The following CSMD2 variants were observed in gnomAD, a reference collection of about 807,000 sequenced individuals.
CSMD2 encodes the protein CUB and Sushi multiple domains 2.
A neutral mutation model predicts 398.5 loss-of-function variants in CSMD2; 130 were observed. That is an observed-to-expected ratio of 0.33 (90% CI 0.28 to 0.38). CSMD2 has a LOEUF of 0.38. Among genes scored for constraint, CSMD2 ranks in the 10% least tolerant of loss-of-function variants. The probability of loss-of-function intolerance (pLI) is 1.00; values close to 1 mark genes in which losing one functional copy is unlikely to be tolerated. For synonymous variants in CSMD2, 1,828 were observed against 1,908.5 expected, an observed-to-expected ratio of 0.96 and a Z score of 1.10; for missense variants, 3,829 against 4,764.9, an observed-to-expected ratio of 0.80 and a Z score of 5.78.
In CSMD2 at chr1:33,785,678, C is replaced by T. The variant is rs1361208063; in HGVS notation, c.1663+2922G>A. ...AGGCAGGGTGGTCAGAACCCTCCAT[C>T]CTGGGCATGCCCTATCCTACCATGG... On this transcript the variant is annotated intron_variant, in intron 12 of 70. Transcript: ENST00000373381. Among the ~76,000 whole-genome samples the T allele has an allele frequency of 4.6e-5, 7 of 152,200 alleles. No homozygotes were observed. In the East Asian group the frequency reaches 1.3e-3, roughly 29 times the overall value.
chr1:33,908,085 C>CAAAAAAAAAAAAAAAAAAAAA (rs35932181), intron 5 of CSMD2, among the ~76,000 whole-genome samples: 2 of 77,162 alleles, frequency 2.6e-5, no homozygotes, highest in Non-Finnish European at 4.7e-5. Context: ...GACTCCATCT[C>CAAAAAAAAAAAAAAAAAAAAA]AAAAAAAAAA....
chr1:34,095,668 G>A (rs1409369259), intron 1 of CSMD2, among the ~76,000 whole-genome samples: 1 of 151,686 alleles, frequency 6.6e-6, no homozygotes, highest in Non-Finnish European at 1.5e-5. Flanking sequence ...AGAAGAAATG[G>A]ATAAATTCCT....
At chr1:34,105,359 C>G (rs981210971) in intron 1 of CSMD2, among the ~76,000 whole-genome samples, 1 of 152,170 alleles carries the variant, frequency 6.6e-6, no homozygotes, top group Non-Finnish European at 1.5e-5. Flanking sequence ...CAGATATTGC[C>G]AAATGTCCCC....
At chr1:33,871,493 A>G (rs1640457588) in intron 5 of CSMD2, among the ~76,000 whole-genome samples, 1 of 152,240 alleles carries the variant, frequency 6.6e-6, no homozygotes, top group Non-Finnish European at 1.5e-5. Context: ...TTTATTTGAC[A>G]GTTACCAGTT....
At position 33,665,460 on chromosome 1, in the gene CSMD2, CTT is replaced by C. The variant is rs745495781; in HGVS notation, c.4053-2370_4053-2369del. ...GACTTGTATAGTTTCTTTCTTCTCT[CTT>C]TTTTTTTTTTTTTTTTTTTTTTTTG... is the stretch of plus-strand genomic sequence containing the variant. On this transcript the variant is annotated intron_variant, in intron 25 of 70. Transcript: ENST00000373381. Among the ~76,000 whole-genome samples the C allele has an allele frequency of 5.8e-3, 432 of 73,874 alleles. 1 individual carries two copies. Among genetic ancestry groups the C allele is most frequent in the African/African-American group, 0.022 (391 of 18,062 alleles). The allele number at this position is 73,874 out of a possible 152,430, so 48.5% of individuals were successfully genotyped here.
At chr1:34,098,016 A>G (rs1659540597) in intron 1 of CSMD2, among the ~76,000 whole-genome samples, 1 of 99,692 alleles carries the variant, frequency 1.0e-5, no homozygotes, top group Non-Finnish European at 1.9e-5. Flanking sequence ...ACCAACCCAA[A>G]TGTCCAACAA....
chr1:33,813,220 G>T (rs547556990), intron 9 of CSMD2: 3 of 152,332 alleles, frequency 2.0e-5, no homozygotes. Context: ...CAAAAAGGCA[G>T]TTACCACTTT....
intron 2 of CSMD2, among the ~76,000 whole-genome samples, chr1:34,051,389 T>C (rs1416078350): frequency 2.0e-5 from 3 of 152,204 alleles, no homozygotes; most frequent in African/African-American, 7.2e-5. Flanking sequence ...AGACTGTCAT[T>C]GTTATGAGTA....
rs539488741 is a variant in CSMD2 at position 33,752,894 on chromosome 1, C to G, written c.1847-9288G>C. On this transcript the variant is annotated intron_variant, in intron 13 of 70. Coordinates refer to ENST00000373381, the MANE Select transcript of CSMD2 (RefSeq NM_001281956.2). ...AACTTGGCTGCATTAAGTCCATATC[C>G]TAGGGCTTTTTGCAAGTTTGAACTT... 7.2e-5 allele frequency among the ~76,000 whole-genome samples: 11 copies of G among 152,294 alleles called. No homozygotes were observed. The East Asian group carries it at 1.5e-3, about 21-fold the overall frequency.
chr1:33,891,940 C>A (rs1310312883), intron 5 of CSMD2, among the ~76,000 whole-genome samples: 2 of 147,726 alleles, frequency 1.4e-5, no homozygotes, highest in East Asian at 4.2e-4. Flanking sequence ...AGGAGATATA[C>A]CTAATGCTAA....
intron 32 of CSMD2, among the ~76,000 whole-genome samples, chr1:33,627,237 C>A (rs552795626): frequency 7.5e-4 from 114 of 152,266 alleles, no homozygotes; most frequent in African/African-American, 2.6e-3. Flanking sequence ...CTGGGGGGAA[C>A]CTGCATGGGC....
chr1:33,767,611 C>T (rs945839113), intron 13 of CSMD2, among the ~76,000 whole-genome samples: 1 of 152,088 alleles, frequency 6.6e-6, no homozygotes, highest in African/African-American at 2.4e-5. Context: ...CTCAATAAAT[C>T]AAGATGGATA....
intron 3 of CSMD2, among the ~76,000 whole-genome samples, chr1:33,959,152 G>A (rs559315038): frequency 1.2e-4 from 19 of 152,276 alleles, no homozygotes; most frequent in Admixed American, 2.6e-4. Context: ...GAGGAAAGGC[G>A]CCTGCTCTGA....
At chr1:33,570,149 T>C (rs1463415210) in intron 51 of CSMD2, among the ~76,000 whole-genome samples, 1 of 149,622 alleles carries the variant, frequency 6.7e-6, no homozygotes, top group African/African-American at 2.5e-5. Flanking sequence ...AACAGTGTCA[T>C]GAATCACGGA....
In CSMD2 at chr1:33,633,331, G is replaced by A. The variant is rs1348172446; in HGVS notation, c.5200+91C>T. 1 of 914,088 alleles carries A rather than the reference G, an allele frequency of 1.1e-6. No individual in the cohort carries two copies. The highest frequency in any genetic ancestry group is 1.7e-6 in the Non-Finnish European group (1 of 574,224). 56.6% of individuals were successfully genotyped at this position (914,088 alleles called of 1,614,324 possible). Reference sequence around the variant, plus strand: ...CGCAGAGCCGTAGGGTTCCACCTGCGGCCATGGGGTGCTTCTAGAGCCTCC... The same window carrying A: ...CGCAGAGCCGTAGGGTTCCACCTGCAGCCATGGGGTGCTTCTAGAGCCTCC... On this transcript the variant is annotated intron_variant, in intron 32 of 70. Transcript: ENST00000373381. The surrounding 1 kb of genome is among the most constrained non-coding windows in gnomAD (Gnocchi z 5.0).
intron 6 of CSMD2, among the ~76,000 whole-genome samples, chr1:33,842,540 C>T (rs1196391435): frequency 1.3e-5 from 2 of 152,022 alleles, no homozygotes; most frequent in Non-Finnish European, 2.9e-5. Flanking sequence ...GCAGACTTGC[C>T]TCTAGGTTGG....
intron 5 of CSMD2, among the ~76,000 whole-genome samples, chr1:33,893,879 C>A (rs11805558): frequency 6.6e-6 from 1 of 152,170 alleles, no homozygotes; most frequent in African/African-American, 2.4e-5. Context: ...GGCAGCCATG[C>A]CTTTTTCCAG....
intron 1 of CSMD2, among the ~76,000 whole-genome samples, chr1:34,126,934 G>C (rs1662803733): frequency 6.6e-6 from 1 of 151,930 alleles, no homozygotes; most frequent in Admixed American, 6.6e-5. Flanking sequence ...TCAAAGAAAA[G>C]AACAGGCAGT....
rs55939383 is a variant in CSMD2 at position 33,970,868 on chromosome 1, G to A, written c.518-34914C>T. Among the ~76,000 whole-genome samples the A allele has an allele frequency of 5.0e-3, 765 of 152,324 alleles. 12 individuals carry two copies. Among genetic ancestry groups the A allele is most frequent in the African/African-American group, 0.017 (708 of 41,574 alleles). ...CCCCTGAATGTGTGCTCTGTTTACC[G>A]TAACCCATGCTGCCTCTCTCCTCAA... On this transcript the variant is annotated intron_variant, in intron 3 of 70. Coordinates refer to ENST00000373381, the MANE Select transcript of CSMD2 (RefSeq NM_001281956.2).
Sources: allele counts gnomAD v4.1 joint callset (sites outside exome capture counted in the v4.1 genomes callset), GRCh38; gene constraint gnomAD v4.1.1; non-coding constraint Gnocchi (gnomAD v3.1); transcripts MANE v1.5; gene names NCBI Gene and HGNC (gene_info 2026-07-23, HGNC 2026-07-21).